PCDH15: variants seen among roughly 807,000 people sequenced by gnomAD.
The protein encoded by PCDH15 is protocadherin related 15.
A neutral mutation model predicts 178.5 loss-of-function variants in PCDH15; 129 were observed. That is an observed-to-expected ratio of 0.72 (90% CI 0.63 to 0.84). The LOEUF (loss-of-function observed/expected upper bound fraction) is 0.84. PCDH15 is among the 40% of genes least tolerant of loss of function. The pLI is 0.00. For missense variants in PCDH15, 2,230 were observed against 2,099.9 expected (o/e 1.06, Z -1.21); for synonymous variants, 800 against 732.0 (o/e 1.09, Z -1.50).
At chr10:55,413,650 C>A (rs1221641138) in intron 2 of PCDH15, among the ~76,000 whole-genome samples, 2 of 151,570 alleles carry the variant, frequency 1.3e-5, no homozygotes, top group African/African-American at 4.8e-5. Context: ...TTTTGTTTCT[C>A]ACAAAAATGC....
chr10:54,589,685 CT>C (rs1256188819), intron 2 of PCDH15, among the ~76,000 whole-genome samples: 1 of 152,076 alleles, frequency 6.6e-6, no homozygotes, highest in African/African-American at 2.4e-5. Context: ...GAGACAGAGT[CT>C]TGCTCCCGGG....
At chr10:55,113,902 C>T (rs1466796287) in intron 2 of PCDH15, among the ~76,000 whole-genome samples, 3 of 152,070 alleles carry the variant, frequency 2.0e-5, no homozygotes, top group African/African-American at 7.2e-5. Context: ...TTTTAACTCC[C>T]TCATTCAGCT....
At chr10:55,033,603 G>A (rs948065897) in intron 2 of PCDH15, among the ~76,000 whole-genome samples, 3 of 152,154 alleles carry the variant, frequency 2.0e-5, no homozygotes, top group African/African-American at 7.2e-5. Context: ...CAGGTTCAGA[G>A]CTGGAGAACA....
At chr10:54,470,145 G>A (rs753143147) in intron 3 of PCDH15, among the ~76,000 whole-genome samples, 11 of 152,204 alleles carry the variant, frequency 7.2e-5, no homozygotes, top group Non-Finnish European at 1.5e-4. Context: ...TTTAGATGAA[G>A]GTGGCAGAAG....
At chr10:55,546,265 CTG>C in intron 2 of PCDH15, among the ~76,000 whole-genome samples, 1 of 152,172 alleles carries the variant, frequency 6.6e-6, no homozygotes, top group East Asian at 1.9e-4. Context: ...ATATTTCCGA[CTG>C]TTGCTGGTAA....
chr10:53,843,086 G>C (rs1192159167), intron 28 of PCDH15, among the ~76,000 whole-genome samples: 1 of 152,170 alleles, frequency 6.6e-6, no homozygotes, highest in East Asian at 1.9e-4. Context: ...CTTCATGGTA[G>C]CAGGGAATCA....
chr10:55,108,254 AG>A (rs1327463221), intron 2 of PCDH15, among the ~76,000 whole-genome samples: 2 of 152,216 alleles, frequency 1.3e-5, no homozygotes, highest in African/African-American at 4.8e-5. Context: ...GGAAGGACTA[AG>A]AGAACTTCTG....
chr10:55,192,474 G>C (rs1272386195), intron 1 of PCDH15, among the ~76,000 whole-genome samples: 2 of 151,744 alleles, frequency 1.3e-5, no homozygotes, highest in Non-Finnish European at 1.5e-5. Context: ...AGCAGCATGA[G>C]TTATTTTCTG....
chr10:54,126,596 TAATTA>T (rs1392957912), intron 15 of PCDH15, among the ~76,000 whole-genome samples: 11 of 152,100 alleles, frequency 7.2e-5, no homozygotes, highest in Admixed American at 6.6e-4. Context: ...TATGATCCCT[TAATTA>T]ATTTAATATA....
intron 1 of PCDH15, among the ~76,000 whole-genome samples, chr10:55,189,897 A>G (rs1038621598): frequency 2.6e-5 from 4 of 151,878 alleles, no homozygotes; most frequent in African/African-American, 9.7e-5. Flanking sequence ...CCCATGACCC[A>G]GAAATTATTA....
chr10:54,487,695 A>G (rs1180145058), intron 3 of PCDH15, among the ~76,000 whole-genome samples: 1 of 151,962 alleles, frequency 6.6e-6, no homozygotes, highest in Non-Finnish European at 1.5e-5. Context: ...GTTATTAACT[A>G]TACAGTTTTC....
intron 2 of PCDH15, among the ~76,000 whole-genome samples, chr10:55,074,707 C>A (rs1296680946): frequency 3.3e-5 from 5 of 152,136 alleles, no homozygotes; most frequent in Non-Finnish European, 7.3e-5. Context: ...TGTGCAGAAG[C>A]TCTTTAGTTT....
intron 8 of PCDH15, among the ~76,000 whole-genome samples, chr10:54,301,839 A>G (rs1177633075): frequency 6.6e-6 from 1 of 152,200 alleles, no homozygotes; most frequent in Non-Finnish European, 1.5e-5. Flanking sequence ...AACACTTCAT[A>G]GCACCCACCA....
At chr10:54,667,689 G>C (rs1246998948) in intron 1 of PCDH15, among the ~76,000 whole-genome samples, 1 of 152,036 alleles carries the variant, frequency 6.6e-6, no homozygotes, top group Middle Eastern at 3.4e-3. Context: ...CATGTTCCCC[G>C]AGTATATATT....
chr10:54,149,986 A>G (rs927611894), intron 14 of PCDH15, among the ~76,000 whole-genome samples: 1 of 152,128 alleles, frequency 6.6e-6, no homozygotes, highest in East Asian at 1.9e-4. Context: ...GGTCAGAGTG[A>G]CTGCAAGATG....
intron 3 of PCDH15, among the ~76,000 whole-genome samples, chr10:54,849,024 G>T (rs1041838636): frequency 3.3e-5 from 5 of 149,938 alleles, no homozygotes; most frequent in Non-Finnish European, 6.0e-5. Flanking sequence ...ATCTTAATTT[G>T]TTATCTATAA....
chr10:54,299,090 G>A (rs1002976832), intron 8 of PCDH15, among the ~76,000 whole-genome samples: 11 of 152,174 alleles, frequency 7.2e-5, no homozygotes, highest in African/African-American at 2.7e-4. Flanking sequence ...GGAAGGAGAG[G>A]GGAGAACAGC....
intron 3 of PCDH15, among the ~76,000 whole-genome samples, chr10:54,514,095 G>T (rs1470124781): frequency 1.3e-5 from 2 of 152,094 alleles, no homozygotes; most frequent in South Asian, 4.1e-4. Context: ...ACAATTATGT[G>T]CTTTACTCAT....
intron 18 of PCDH15, among the ~76,000 whole-genome samples, chr10:54,026,813 A>T (rs572882015): frequency 6.6e-4 from 100 of 152,306 alleles, no homozygotes; most frequent in African/African-American, 2.2e-3. Flanking sequence ...GCTATCTATG[A>T]CAAACCCACA....
Sources: gnomAD v4.1 joint callset for allele counts (sites outside exome capture counted in the v4.1 genomes callset) on GRCh38, gnomAD v4.1.1 for gene constraint, MANE v1.5 for transcripts, NCBI Gene and HGNC (gene_info 2026-07-23, HGNC 2026-07-21) for gene names.